The following PSMA1 variants were observed in gnomAD, a reference collection of about 807,000 sequenced individuals.
The protein encoded by PSMA1 is proteasome subunit alpha type-1.
In PSMA1, 3 loss-of-function variants were observed where a neutral mutation model predicts 38.4. The observed-to-expected ratio is 0.08, with a 90% confidence interval of 0.04 to 0.20. The LOEUF is 0.20. Among genes scored for constraint, PSMA1 ranks in the 10% least tolerant of loss-of-function variants. The pLI, the probability that PSMA1 is intolerant of heterozygous loss-of-function variation, is 1.00. For missense variants in PSMA1, 227 were observed against 325.3 expected, an observed-to-expected ratio of 0.70 and a Z score of 2.32; for synonymous variants, 101 against 107.1, an observed-to-expected ratio of 0.94 and a Z score of 0.35.
chr11:14,614,913 C>G (rs749708343), intron 1 of PSMA1, among the ~76,000 whole-genome samples: 9 of 152,168 alleles, frequency 5.9e-5, no homozygotes, highest in Non-Finnish European at 1.0e-4. Flanking sequence ...ATGTCACTCT[C>G]TTTCTCTGAA....
Position 14,513,803 on chromosome 11 carries a change from T to C in PSMA1, c.414+14A>G, listed in dbSNP as rs751681027. On this transcript the variant is annotated intron_variant, in intron 6 of 9. Coordinates refer to ENST00000396394, the MANE Select transcript of PSMA1 (RefSeq NM_002786.4). ...AAAAAATCATTAACATATAACAATATTCAATGAACTTACATCATAACCAGC... is the reference window on the plus strand; with the variant it reads ...AAAAAATCATTAACATATAACAATACTCAATGAACTTACATCATAACCAGC... 1.7e-5 allele frequency: 26 copies of C among 1,571,824 alleles called. 1 individual carries two copies. The African/African-American group carries it at 3.4e-4, about 21-fold the overall frequency.
chr11:14,566,293 A>G (rs1456760343), intron 2 of PSMA1, among the ~76,000 whole-genome samples: 1 of 152,248 alleles, frequency 6.6e-6, no homozygotes, highest in African/African-American at 2.4e-5. Flanking sequence ...GAGTAATGCA[A>G]GTGAAAGGCA....
chr11:14,509,713 GTTTT>G (rs34597306), intron 8 of PSMA1, among the ~76,000 whole-genome samples: 1 of 109,952 alleles, frequency 9.1e-6, no homozygotes, highest in Non-Finnish European at 1.9e-5. Context: ...CAAACCGGTT[GTTTT>G]TTTTTTTTTT....
chr11:14,629,942 A>AG (rs2133717957), intron 1 of PSMA1, among the ~76,000 whole-genome samples: 1 of 152,128 alleles, frequency 6.6e-6, no homozygotes, highest in African/African-American at 2.4e-5. Context: ...TGTGAATGGG[A>AG]GTTCACTCAT....
Position 14,536,452 on chromosome 11 carries a change from G to T in PSMA1, c.22-17411C>A, listed in dbSNP as rs554708252. Among the ~76,000 whole-genome samples the T allele has an allele frequency of 1.4e-4, 22 of 151,790 alleles. No homozygotes were observed. In the Middle Eastern group the frequency reaches 0.01, roughly 70 times the overall value. On this transcript the variant is annotated intron_variant, in intron 2 of 10. Coordinates refer to the PSMA1 transcript ENST00000418988. ...TGAGGCAAGAGAATCGCTTGAACCC[G>T]GGAGGTGGAGGTTGCAGTGAGCAGA... is the stretch of plus-strand genomic sequence containing the variant.
At chr11:14,584,541 A>G (rs138387399) in intron 2 of PSMA1, among the ~76,000 whole-genome samples, 1 of 147,126 alleles carries the variant, frequency 6.8e-6, no homozygotes, top group East Asian at 2.0e-4. Context: ...GACTGTCCCA[A>G]CCTGCACTGC....
At chr11:14,643,100 A>G (rs945021161) in intron 1 of PSMA1, among the ~76,000 whole-genome samples, 3 of 150,966 alleles carry the variant, frequency 2.0e-5, no homozygotes, top group Non-Finnish European at 3.0e-5. Flanking sequence ...GCAACACTCA[A>G]GAACGTGCAC....
chr11:14,513,608 C>A lies in PSMA1; in HGVS notation c.506G>T (p.Arg169Leu). The A allele has an allele frequency of 1.9e-6, 3 of 1,580,950 alleles. No individual in the cohort carries two copies. The highest frequency in any genetic ancestry group is 2.6e-6 in the Non-Finnish European group (3 of 1,169,882). ...MSIGARSQSARTYLERHMSEF... is the reference protein window; with the variant it reads ...MSIGARSQSALTYLERHMSEF... Reference sequence around the variant, plus strand: ...AGACATATGTCTCTCCAAGTAAGTACGAGCTGATTGGGAACGGGCTCCAAT... The same window carrying A: ...AGACATATGTCTCTCCAAGTAAGTAAGAGCTGATTGGGAACGGGCTCCAAT... The change falls in exon 7 of 10, where the codon CGT (arginine) becomes CTT (leucine). Residue 169 changes from arginine to leucine, a missense_variant. By Grantham distance (102) the Arg-to-Leu change is moderately radical (BLOSUM62 -2). Coordinates refer to ENST00000396394, the MANE Select transcript of PSMA1 (RefSeq NM_002786.4).
At chr11:14,625,507 C>T (rs190491852) in intron 1 of PSMA1, among the ~76,000 whole-genome samples, 237 of 152,276 alleles carry the variant, frequency 1.6e-3, no homozygotes, top group Non-Finnish European at 2.2e-3. Flanking sequence ...GACTACTGGA[C>T]CATTACTCTT....
At chr11:14,554,098 A>G (rs1047973973) in intron 2 of PSMA1, among the ~76,000 whole-genome samples, 1 of 152,136 alleles carries the variant, frequency 6.6e-6, no homozygotes, top group African/African-American at 2.4e-5. Flanking sequence ...TGCCATTTGT[A>G]TATCCTCTTT....
intron 2 of PSMA1, among the ~76,000 whole-genome samples, chr11:14,546,812 A>C (rs184435698): frequency 1.2e-4 from 18 of 152,336 alleles, no homozygotes; most frequent in African/African-American, 3.8e-4. Flanking sequence ...GAGAAGCAGA[A>C]AAGCTGCCAG....
At chr11:14,577,310 A>T (rs1472832988) in intron 2 of PSMA1, among the ~76,000 whole-genome samples, 1 of 152,206 alleles carries the variant, frequency 6.6e-6, no homozygotes, top group Admixed American at 6.5e-5. Context: ...CAATTAAGTA[A>T]TCTGCTCATG....
intron 2 of PSMA1, among the ~76,000 whole-genome samples, chr11:14,582,039 T>C (rs538804189): frequency 6.6e-6 from 1 of 152,152 alleles, no homozygotes; most frequent in Non-Finnish European, 1.5e-5. Context: ...CAGAAAACCT[T>C]TCCACAAAGG....
chr11:14,558,280 A>G (rs1034699320), intron 2 of PSMA1, among the ~76,000 whole-genome samples: 9 of 149,380 alleles, frequency 6.0e-5, no homozygotes, highest in African/African-American at 1.7e-4. Flanking sequence ...AATACTGTGC[A>G]TGGTGGCACA....
At chr11:14,612,112 G>C (rs1448575643) in intron 1 of PSMA1, among the ~76,000 whole-genome samples, 1 of 152,156 alleles carries the variant, frequency 6.6e-6, no homozygotes, top group African/African-American at 2.4e-5. Flanking sequence ...GGGAGTCTTG[G>C]TTGAGCTAGG....
intron 2 of PSMA1, among the ~76,000 whole-genome samples, chr11:14,569,998 T>A (rs1369154406): frequency 6.6e-6 from 1 of 152,168 alleles, no homozygotes; most frequent in Non-Finnish European, 1.5e-5. Context: ...CAGGTAGCCC[T>A]CTGAGACAAA....
At chr11:14,592,530 C>T (rs542089527) in intron 2 of PSMA1, among the ~76,000 whole-genome samples, 132 of 152,110 alleles carry the variant, frequency 8.7e-4, no homozygotes, top group Non-Finnish European at 1.1e-3. Flanking sequence ...GGACTACAGG[C>T]GCCCGCCACC....
At chr11:14,594,811 C>T (rs1183889347) in intron 2 of PSMA1, among the ~76,000 whole-genome samples, 1 of 152,056 alleles carries the variant, frequency 6.6e-6, no homozygotes, top group Non-Finnish European at 1.5e-5. Context: ...TCACAACGTG[C>T]AGGTTTGATA....
intron 1 of PSMA1, among the ~76,000 whole-genome samples, chr11:14,635,240 GT>G (rs1853096795): frequency 6.6e-6 from 1 of 152,168 alleles, no homozygotes; most frequent in South Asian, 2.1e-4. Context: ...TTAAAGTGTT[GT>G]TCATGTTAGA....
Sources: allele counts gnomAD v4.1 joint callset (sites outside exome capture counted in the v4.1 genomes callset), GRCh38; gene constraint gnomAD v4.1.1; transcripts MANE v1.5; gene names NCBI Gene and HGNC (gene_info 2026-07-23, HGNC 2026-07-21).